Variants in ACADSB observed in about 807,000 individuals in gnomAD.
ACADSB encodes the protein acyl-CoA dehydrogenase short/branched chain.
ACADSB carries 40 observed loss-of-function variants against 54.1 expected under a neutral mutation model. The ratio of observed to expected loss-of-function variants is 0.74; its 90% CI spans 0.57 to 0.96. The LOEUF (loss-of-function observed/expected upper bound fraction) is 0.96, where lower values mean the gene tolerates loss of function less well. ACADSB is among the 40% of genes least tolerant of loss of function. ACADSB has a pLI of 0.00. For missense variants in ACADSB, 530 were observed against 510.4 expected, an observed-to-expected ratio of 1.04 and a Z score of -0.37; for synonymous variants, 182 against 182.8, an observed-to-expected ratio of 1.00 and a Z score of 0.03.
chr10:123,036,683 T>C (rs1367812781), intron 2 of ACADSB, among the ~76,000 whole-genome samples: 3 of 152,122 alleles, frequency 2.0e-5, no homozygotes, highest in Non-Finnish European at 4.4e-5. Flanking sequence ...GTAAATGTCA[T>C]GGAGGTATTT....
Position 123,053,971 on chromosome 10 carries a change from A to G in ACADSB, c.*206A>G. On this transcript the variant is annotated 3_prime_UTR_variant, in exon 11 of 11. Coordinates refer to ENST00000358776, the MANE Select transcript of ACADSB (RefSeq NM_001609.4). ...ACTTAGGCACAGGAGATCCACTTTT[A>G]AACTTGGGAAATAAGCACCTGTATT... 1 of 610,980 alleles carries G rather than the reference A, an allele frequency of 1.6e-6. No individual in the cohort carries two copies. Among genetic ancestry groups the G allele is most frequent in the South Asian group, 2.0e-5 (1 of 50,394 alleles). 37.8% of individuals were successfully genotyped at this position (610,980 alleles called of 1,614,324 possible). A position where few individuals can be genotyped will look rare whatever the true frequency, so the allele number is the denominator to read the frequency against.
At chr10:123,047,085 C>T in intron 7 of ACADSB, 124 bp from the exon 8 acceptor site, 1 of 788,744 alleles carries the variant, frequency 1.3e-6, no homozygotes, top group Admixed American at 2.0e-5. Flanking sequence ...ACCTCACCAC[C>T]TCAGCATCTC....
chr10:123,012,006 C>T lies in ACADSB; in HGVS notation c.42+2935C>T, dbSNP rs1260166307. On this transcript the variant is annotated intron_variant, in intron 1 of 10. Coordinates refer to ENST00000358776, the MANE Select transcript of ACADSB (RefSeq NM_001609.4). ...CTAGGACCACAGGCATGTGTCACTG[C>T]ACCTGGCTAATTTTTAAAGTGTTTT... 3.3e-5 allele frequency among the ~76,000 whole-genome samples: 5 copies of T among 152,042 alleles called. 1 individual carries two copies. Among genetic ancestry groups the T allele is most frequent in the Admixed American group, 2.6e-4 (4 of 15,256 alleles).
chr10:123,051,575 A>G (rs1589746100), intron 9 of ACADSB, among the ~76,000 whole-genome samples: 1 of 152,324 alleles, frequency 6.6e-6, no homozygotes, highest in East Asian at 1.9e-4. Flanking sequence ...AAGTTCGGGC[A>G]AAGTGAATGC....
At chr10:123,022,630 A>T (rs555121178) in intron 1 of ACADSB, among the ~76,000 whole-genome samples, 3 of 152,342 alleles carry the variant, frequency 2.0e-5, no homozygotes, top group African/African-American at 7.2e-5. Flanking sequence ...ACTTTTTCTC[A>T]CTAATAACAC....
At chr10:123,025,522 A>G (rs117548326) in intron 1 of ACADSB, among the ~76,000 whole-genome samples, 1,669 of 152,284 alleles carry the variant, frequency 0.011, 15 homozygotes, top group Non-Finnish European at 0.018. Context: ...AAAATACCCA[A>G]AACTATAAGC....
chr10:123,050,915 A>T, intron 8 of ACADSB, 134 bp from the exon 9 acceptor site: 1 of 840,664 alleles, frequency 1.2e-6, no homozygotes, highest in Non-Finnish European at 1.9e-6. Flanking sequence ...TAAAGTATTT[A>T]AAAGACGTGA....
intron 1 of ACADSB, among the ~76,000 whole-genome samples, chr10:123,023,947 G>T (rs896117822): frequency 5.9e-5 from 9 of 152,222 alleles, no homozygotes; most frequent in Non-Finnish European, 2.9e-5. Flanking sequence ...TCTGGAGTTC[G>T]ATCCCCTGAG....
Position 123,045,150 on chromosome 10 carries a change from TATATATATATA to T in ACADSB, c.900+666_900+676del, listed in dbSNP as rs1850537481. Among the ~76,000 whole-genome samples the T allele has an allele frequency of 4.2e-4, 5 of 12,038 alleles. 1 individual carries two copies. Among genetic ancestry groups the T allele is most frequent in the African/African-American group, 9.1e-4 (4 of 4,392 alleles). The allele number at this position is 12,038 out of a possible 152,430, so 7.9% of individuals were successfully genotyped here. On this transcript the variant is annotated intron_variant, in intron 7 of 10. Coordinates refer to ENST00000358776, the MANE Select transcript of ACADSB (RefSeq NM_001609.4). The stretch of plus-strand genomic sequence containing the variant: ...TAGAGTGTATATATATATATATATA[TATATATATATA>T]TATATATATATTTTTTTTTTTTTTT...
At position 123,041,380 on chromosome 10, in the gene ACADSB, G is replaced by T; in HGVS notation, c.681+1G>T. 2 of 1,614,138 alleles carry T rather than the reference G, an allele frequency of 1.2e-6. No individual in the cohort carries two copies. Among genetic ancestry groups the T allele is most frequent in the East Asian group, 2.2e-5 (1 of 44,878 alleles). On this transcript the variant is annotated splice_donor_variant, in intron 5 of 10. Transcript: ENST00000358776. LOFTEE classifies it high-confidence loss of function. ...GATGGCAAATGTAGACCCTACCATT[G>T]TAAGTTTGAAAACGAAATTTCTTTC...
intron 1 of ACADSB, among the ~76,000 whole-genome samples, chr10:123,022,292 A>G (rs903708316): frequency 6.6e-6 from 1 of 152,210 alleles, no homozygotes; most frequent in African/African-American, 2.4e-5. Context: ...TAAATGTCAC[A>G]CAGATATCAA....
intron 1 of ACADSB, among the ~76,000 whole-genome samples, chr10:123,021,057 G>A (rs911760205): frequency 6.6e-6 from 1 of 152,128 alleles, no homozygotes; most frequent in African/African-American, 2.4e-5. Flanking sequence ...CAAACAATCT[G>A]TCTCCTGTCT....
chr10:123,057,333 A>G lies in ACADSB; in HGVS notation c.*3568A>G, dbSNP rs1333098025. The G allele has an allele frequency of 6.6e-6, 1 of 152,246 alleles. No homozygotes were observed. The highest frequency in any genetic ancestry group is 1.5e-5 in the Non-Finnish European group (1 of 68,046). 9.4% of individuals were successfully genotyped at this position (152,246 alleles called of 1,614,324 possible). A position where few individuals can be genotyped will look rare whatever the true frequency, so the allele number is the denominator to read the frequency against. ...TAACAGTTAAAATTAATTATGTGTTATAGTTAATATATGCACCTACCTTCT... is the reference window on the plus strand; with the variant it reads ...TAACAGTTAAAATTAATTATGTGTTGTAGTTAATATATGCACCTACCTTCT... On this transcript the variant is annotated 3_prime_UTR_variant, in exon 11 of 11. Coordinates refer to ENST00000358776, the MANE Select transcript of ACADSB (RefSeq NM_001609.4).
intron 8 of ACADSB, among the ~76,000 whole-genome samples, chr10:123,050,442 G>T (rs1432713561): frequency 2.0e-5 from 3 of 152,174 alleles, no homozygotes; most frequent in Non-Finnish European, 4.4e-5. Context: ...AAACATCTGT[G>T]CCTGTTATTT....
intron 1 of ACADSB, among the ~76,000 whole-genome samples, chr10:123,012,504 A>G (rs1850049314): frequency 6.6e-6 from 1 of 152,156 alleles, no homozygotes; most frequent in Non-Finnish European, 1.5e-5. Context: ...GGTGAGTGCT[A>G]CAGTTCTTAA....
chr10:123,017,899 T>C (rs1425347548), intron 1 of ACADSB, among the ~76,000 whole-genome samples: 2 of 152,186 alleles, frequency 1.3e-5, no homozygotes, highest in African/African-American at 4.8e-5. Context: ...AAGGAATGTC[T>C]GGGTTGTGAT....
intron 1 of ACADSB, among the ~76,000 whole-genome samples, chr10:123,021,592 A>G (rs768659443): frequency 3.4e-4 from 51 of 152,164 alleles, no homozygotes; most frequent in Non-Finnish European, 6.9e-4. Context: ...CACACCTTGC[A>G]TGTCTTTTTT....
intron 1 of ACADSB, among the ~76,000 whole-genome samples, chr10:123,026,819 T>G (rs1464917917): frequency 6.6e-6 from 1 of 152,084 alleles, no homozygotes; most frequent in African/African-American, 2.4e-5. Context: ...TCCTATTTGC[T>G]TATATTTGTT....
chr10:123,027,265 A>T (rs1011354623), intron 1 of ACADSB, among the ~76,000 whole-genome samples: 3 of 152,156 alleles, frequency 2.0e-5, no homozygotes, highest in Non-Finnish European at 4.4e-5. Flanking sequence ...ACAATCTTAG[A>T]TGTTGTGGCT....
Sources: gnomAD v4.1 joint callset for allele counts (sites outside exome capture counted in the v4.1 genomes callset) on GRCh38, gnomAD v4.1.1 for gene constraint, MANE v1.5 for transcripts, NCBI Gene and HGNC (gene_info 2026-07-23, HGNC 2026-07-21) for gene names.